Variants in GRM7 observed in about 807,000 individuals in gnomAD.
GRM7 encodes metabotropic glutamate receptor 7.
GRM7 carries 35 observed loss-of-function variants against 84.5 expected under a neutral mutation model. That is an observed-to-expected ratio of 0.41 (90% confidence interval 0.32 to 0.55). The LOEUF (loss-of-function observed/expected upper bound fraction) is 0.55, where lower values mean the gene tolerates loss of function less well. Ranked by LOEUF, GRM7 falls within the 20% of genes least tolerant of loss-of-function variation. The probability of loss-of-function intolerance (pLI) is 0.19; values close to 1 mark genes in which losing one functional copy is unlikely to be tolerated. For missense variants in GRM7, 1,003 were observed against 1,194.6 expected (o/e 0.84, Z 2.36); for synonymous variants, 487 against 455.1 (o/e 1.07, Z -0.89).
chr3:7,735,281 G>T (rs1702466972), intron 9 of GRM7, among the ~76,000 whole-genome samples: 2 of 150,632 alleles, frequency 1.3e-5, no homozygotes, highest in African/African-American at 4.9e-5. Context: ...AGTTTGGTGA[G>T]ATTTACAAAT....
At chr3:7,590,121 CT>C (rs1695709677) in intron 8 of GRM7, among the ~76,000 whole-genome samples, 1 of 152,116 alleles carries the variant, frequency 6.6e-6, no homozygotes, top group Non-Finnish European at 1.5e-5. Flanking sequence ...GAATGTCCCC[CT>C]GTTATTTAAC....
intron 1 of GRM7, among the ~76,000 whole-genome samples, chr3:6,935,847 C>T: frequency 6.6e-6 from 1 of 152,038 alleles, no homozygotes; most frequent in East Asian, 1.9e-4. Flanking sequence ...AGGTGTGTGC[C>T]AACACGCACG....
At position 6,901,604 on chromosome 3, in the gene GRM7, T is replaced by TAAAAAAAAAAAAAAAAAAAAAAAAAA. The variant is rs33945077; in HGVS notation, c.519+39705_519+39730dup. On this transcript the variant is annotated intron_variant, in intron 1 of 9. Coordinates refer to ENST00000357716, the MANE Select transcript of GRM7 (RefSeq NM_000844.4). Reference sequence around the variant, plus strand: ...CCTGGTGACAGAGCAAGACTCCGTCTAAAAAAAAAAAAAAAAAAAAAAAAA... The same window carrying TAAAAAAAAAAAAAAAAAAAAAAAAAA: ...CCTGGTGACAGAGCAAGACTCCGTCTAAAAAAAAAAAAAAAAAAAAAAAAAAAAAAAAAAAAAAAAAAAAAAAAAAA... Among the ~76,000 whole-genome samples the TAAAAAAAAAAAAAAAAAAAAAAAAAA allele has an allele frequency of 4.9e-5, 2 of 40,500 alleles. 1 individual carries two copies. Among genetic ancestry groups the TAAAAAAAAAAAAAAAAAAAAAAAAAA allele is most frequent in the East Asian group, 4.5e-3 (2 of 444 alleles). 26.6% of individuals were successfully genotyped at this position (40,500 alleles called of 152,430 possible).
At chr3:7,523,296 T>G (rs1276147808) in intron 7 of GRM7, among the ~76,000 whole-genome samples, 2 of 150,884 alleles carry the variant, frequency 1.3e-5, no homozygotes, top group African/African-American at 2.5e-5. Flanking sequence ...ACAGAAAAAT[T>G]TTTTTCCTTA....
chr3:6,907,180 C>A (rs944657375), intron 1 of GRM7, among the ~76,000 whole-genome samples: 2 of 152,126 alleles, frequency 1.3e-5, no homozygotes, highest in Non-Finnish European at 2.9e-5. Flanking sequence ...GCTAGAAATA[C>A]AGGCATGAGC....
chr3:7,231,831 C>T (rs1366328984), intron 2 of GRM7, among the ~76,000 whole-genome samples: 2 of 152,198 alleles, frequency 1.3e-5, no homozygotes, highest in African/African-American at 4.8e-5. Flanking sequence ...TGTCCCCTTA[C>T]TGCCCTCCAG....
chr3:7,126,931 G>A (rs906293937), intron 1 of GRM7, among the ~76,000 whole-genome samples: 1 of 152,144 alleles, frequency 6.6e-6, no homozygotes, highest in Admixed American at 6.5e-5. Context: ...AGAACAAGGT[G>A]CACACAAATC....
At chr3:7,283,174 A>G (rs1699313513) in intron 2 of GRM7, among the ~76,000 whole-genome samples, 1 of 152,106 alleles carries the variant, frequency 6.6e-6, no homozygotes, top group Non-Finnish European at 1.5e-5. Context: ...CTAGAGTCAG[A>G]CAGTCTAGGT....
intron 1 of GRM7, among the ~76,000 whole-genome samples, chr3:7,106,042 A>G (rs1270153636): frequency 1.3e-5 from 2 of 151,962 alleles, no homozygotes; most frequent in Non-Finnish European, 2.9e-5. Context: ...TGTTGGGGGT[A>G]CATAGACTTT....
intron 4 of GRM7, among the ~76,000 whole-genome samples, chr3:7,311,351 T>G (rs1259031197): frequency 1.3e-5 from 2 of 151,796 alleles, no homozygotes; most frequent in East Asian, 3.9e-4. Context: ...CAGCATCCAC[T>G]GGACTCATAG....
chr3:7,197,554 G>A (rs1396412), intron 2 of GRM7, among the ~76,000 whole-genome samples: 152,267 of 152,272 alleles, frequency 1, 76,131 homozygotes, highest in Middle Eastern at 1. Flanking sequence ...TCAAGATAAT[G>A]TAGTCCATTC....
intron 2 of GRM7, among the ~76,000 whole-genome samples, chr3:7,176,011 T>C (rs191509594): frequency 3.5e-4 from 53 of 152,228 alleles, no homozygotes; most frequent in Middle Eastern, 3.4e-3. Flanking sequence ...CCTGCATCGT[T>C]ACATACAATA....
At chr3:7,315,617 G>C (rs919601638) in intron 4 of GRM7, among the ~76,000 whole-genome samples, 2 of 152,104 alleles carry the variant, frequency 1.3e-5, no homozygotes, top group African/African-American at 4.8e-5. Flanking sequence ...GAATAAATTC[G>C]TCTTTATTCC....
intron 4 of GRM7, among the ~76,000 whole-genome samples, chr3:7,397,835 A>T (rs1695277542): frequency 1.3e-5 from 2 of 152,212 alleles, no homozygotes; most frequent in South Asian, 4.2e-4. Context: ...TAGGGAATCT[A>T]GTAGGTGGAG....
intron 1 of GRM7, among the ~76,000 whole-genome samples, chr3:7,091,118 G>T (rs1698647985): frequency 6.6e-6 from 1 of 151,424 alleles, no homozygotes; most frequent in Admixed American, 6.6e-5. Flanking sequence ...CAAGTTGAGT[G>T]ATATAAATTC....
At chr3:6,898,335 G>A (rs1486139452) in intron 1 of GRM7, among the ~76,000 whole-genome samples, 4 of 150,994 alleles carry the variant, frequency 2.6e-5, no homozygotes, top group African/African-American at 9.8e-5. Context: ...CTATGAAGTA[G>A]GGATTGGTGA....
intron 7 of GRM7, among the ~76,000 whole-genome samples, chr3:7,484,120 C>G (rs887730948): frequency 2.6e-5 from 4 of 152,160 alleles, no homozygotes; most frequent in Non-Finnish European, 5.9e-5. Flanking sequence ...AAAGCATCTC[C>G]TAAAGAAACA....
intron 2 of GRM7, among the ~76,000 whole-genome samples, chr3:7,287,596 G>A (rs993610478): frequency 6.6e-6 from 1 of 151,948 alleles, no homozygotes; most frequent in Non-Finnish European, 1.5e-5. Flanking sequence ...GAGTAAGAAG[G>A]GGAATAATTT....
chr3:7,042,987 A>C (rs1696683581), intron 1 of GRM7, among the ~76,000 whole-genome samples: 2 of 152,216 alleles, frequency 1.3e-5, no homozygotes, highest in East Asian at 1.9e-4. Flanking sequence ...AAGATTTGAC[A>C]GGCGATCTAG....
Sources: allele counts gnomAD v4.1 joint callset (sites outside exome capture counted in the v4.1 genomes callset), GRCh38; gene constraint gnomAD v4.1.1; transcripts MANE v1.5; gene names NCBI Gene and HGNC (gene_info 2026-07-23, HGNC 2026-07-21).